The following RGS22 variants were observed in gnomAD, a reference collection of about 807,000 sequenced individuals.
The protein encoded by RGS22 is regulator of G protein signaling 22.
RGS22 carries 148 observed loss-of-function variants against 172.9 expected under a neutral mutation model. The observed-to-expected ratio is 0.86, with a 90% CI of 0.75 to 0.98. The LOEUF is 0.98. Ranked by LOEUF, RGS22 falls within the 50% of genes least tolerant of loss-of-function variation. The probability of loss-of-function intolerance (pLI) is 0.00; values close to 1 mark genes in which losing one functional copy is unlikely to be tolerated. For synonymous variants in RGS22, 458 were observed against 480.2 expected (o/e 0.95, Z 0.60); for missense variants, 1,347 against 1,440.8 (o/e 0.93, Z 1.05).
intron 6 of RGS22, among the ~76,000 whole-genome samples, chr8:100,068,401 A>G (rs909219862): frequency 2.6e-5 from 4 of 152,028 alleles, no homozygotes; most frequent in Admixed American, 1.3e-4. Context: ...AACATTTTGT[A>G]TATATATATA....
chr8:100,011,389 C>T (rs1816369300), intron 14 of RGS22, among the ~76,000 whole-genome samples: 1 of 152,058 alleles, frequency 6.6e-6, no homozygotes, highest in Non-Finnish European at 1.5e-5. Context: ...TTTGCAGTAG[C>T]CTCTTAACTG....
intron 23 of RGS22, among the ~76,000 whole-genome samples, chr8:99,969,912 A>G (rs747977680): frequency 7.2e-5 from 11 of 152,212 alleles, no homozygotes; most frequent in Non-Finnish European, 1.6e-4. Context: ...TCTCCACCCC[A>G]AATCAACAGA....
At chr8:100,051,421 T>C (rs1242523268) in intron 10 of RGS22, among the ~76,000 whole-genome samples, 5 of 118,880 alleles carry the variant, frequency 4.2e-5, no homozygotes, top group South Asian at 2.6e-4. Context: ...TATATATATA[T>C]ACATTTATAT....
chr8:100,061,875 T>C (rs558482414), intron 9 of RGS22, among the ~76,000 whole-genome samples: 23 of 152,288 alleles, frequency 1.5e-4, no homozygotes, highest in Admixed American at 1.1e-3. Context: ...CTATTCACAA[T>C]AGCAAAGATA....
chr8:100,018,937 G>T (rs895887354), intron 14 of RGS22, among the ~76,000 whole-genome samples: 4 of 148,250 alleles, frequency 2.7e-5, no homozygotes, highest in Non-Finnish European at 5.9e-5. Context: ...ACATACCTGA[G>T]AAATGAAAAT....
intron 9 of RGS22, among the ~76,000 whole-genome samples, chr8:100,058,214 T>A (rs1288573647): frequency 4.7e-5 from 7 of 148,698 alleles, no homozygotes; most frequent in African/African-American, 1.7e-4. Context: ...GCCTAAACAG[T>A]CTCAAAAGGG....
chr8:100,098,795 T>C (rs1323486319), intron 2 of RGS22, among the ~76,000 whole-genome samples: 1 of 151,812 alleles, frequency 6.6e-6, no homozygotes, highest in Non-Finnish European at 1.5e-5. Flanking sequence ...CTTGAGAAGG[T>C]GAAGGAAGCT....
intron 10 of RGS22, among the ~76,000 whole-genome samples, chr8:100,048,261 GAC>G (rs1820939011): frequency 6.6e-6 from 1 of 151,994 alleles, no homozygotes; most frequent in Non-Finnish European, 1.5e-5. Flanking sequence ...CAAAAATGAT[GAC>G]ACACATGGAA....
intron 23 of RGS22, among the ~76,000 whole-genome samples, chr8:99,974,483 A>G (rs1811704556): frequency 6.6e-6 from 1 of 152,204 alleles, no homozygotes; most frequent in African/African-American, 2.4e-5. Flanking sequence ...AATGAGAAAA[A>G]AAAGATTAAA....
Position 100,055,847 on chromosome 8 carries a change from C to G in RGS22, c.1515-2871G>C, listed in dbSNP as rs13269950. ...CTCTTTGCTTTATATATTACCCAGT[C>G]TCGGGTATGTCTTTATTAGCAGCAT... On this transcript the variant is annotated intron_variant, in intron 9 of 27. Coordinates refer to ENST00000360863, the MANE Select transcript of RGS22 (RefSeq NM_015668.5). Among the ~76,000 whole-genome samples, 1,139 of 152,290 alleles carry G rather than the reference C, an allele frequency of 7.5e-3. 10 individuals are homozygous for G. Among genetic ancestry groups the G allele is most frequent in the Non-Finnish European group, 0.013 (896 of 68,032 alleles).
chr8:99,980,646 T>C (rs1812452168), intron 22 of RGS22, among the ~76,000 whole-genome samples: 1 of 152,238 alleles, frequency 6.6e-6, no homozygotes, highest in African/African-American at 2.4e-5. Context: ...CTAACGTCCA[T>C]ATTTAAGATA....
At chr8:100,050,962 G>A (rs1296148226) in intron 10 of RGS22, 1 of 152,062 alleles carries the variant, frequency 6.6e-6, no homozygotes, top group Non-Finnish European at 1.5e-5. Flanking sequence ...TAAATCACAT[G>A]GTAATAAATA....
At chr8:100,066,007 T>C (rs914333314) in intron 7 of RGS22, among the ~76,000 whole-genome samples, 160 bp downstream of exon 7, 2 of 152,188 alleles carry the variant, frequency 1.3e-5, no homozygotes. Context: ...CTTTTCACTA[T>C]ACAAAGTTGT....
At position 100,003,953 on chromosome 8, in the gene RGS22, C is replaced by A; in HGVS notation, c.2600G>T (p.Arg867Leu). The change falls in exon 17 of 28, where the codon CGT becomes CTT. Residue 867 changes from arginine to leucine, a missense_variant. Coordinates refer to ENST00000360863, the MANE Select transcript of RGS22 (RefSeq NM_015668.5). ...TGAAGAATGAGTCTCAAGAAACTGA[C>A]GGAAATGTTCAAACTCCAGTTTGTT... ...LNNKLEFEHF[R>L]QFLETHSSSM... 6.2e-7 allele frequency: 1 copy of A among 1,606,916 alleles called. No individual in the cohort carries two copies. The highest frequency in any genetic ancestry group is 8.5e-7 in the Non-Finnish European group (1 of 1,176,152).
Position 100,063,401 on chromosome 8 carries a change from A to G in RGS22, c.1352+15T>C. The G allele has an allele frequency of 6.7e-7, 1 of 1,492,716 alleles. No homozygotes were observed. Among genetic ancestry groups the G allele is most frequent in the Admixed American group, 2.3e-5 (1 of 43,202 alleles). The allele number at this position is 1,492,716 out of a possible 1,614,324, so 92.5% of individuals were successfully genotyped here. ...TTGTTTTTAAAACTATTGAAAAATA[A>G]AAAAATAGAATTACCTTTGATGTCT... On this transcript the variant is annotated intron_variant, in intron 8 of 27. Coordinates refer to ENST00000360863, the MANE Select transcript of RGS22 (RefSeq NM_015668.5).
At chr8:100,036,895 G>C (rs189208719) in intron 14 of RGS22, among the ~76,000 whole-genome samples, 1 of 152,210 alleles carries the variant, frequency 6.6e-6, no homozygotes, top group East Asian at 1.9e-4. Context: ...TAACACGCCT[G>C]GCCCATAGCA....
intron 20 of RGS22, among the ~76,000 whole-genome samples, chr8:99,989,624 G>T (rs1034706671): frequency 2.6e-5 from 4 of 152,082 alleles, no homozygotes; most frequent in African/African-American, 4.8e-5. Flanking sequence ...CAGGTGGATT[G>T]CCTGAGCTCA....
intron 3 of RGS22, chr8:100,093,161 C>CT (rs1381200484): frequency 7.9e-6 from 2 of 253,848 alleles, no homozygotes; most frequent in Non-Finnish European, 1.5e-5. Context: ...AACACAATGT[C>CT]TCAAAAAAAA....
intron 22 of RGS22, among the ~76,000 whole-genome samples, chr8:99,979,284 T>C (rs1003920366): frequency 2.0e-5 from 3 of 152,206 alleles, no homozygotes; most frequent in African/African-American, 7.2e-5. Context: ...AGTTCTTGAA[T>C]ATATATATTT....
Sources: gnomAD v4.1 joint callset for allele counts (sites outside exome capture counted in the v4.1 genomes callset) on GRCh38, gnomAD v4.1.1 for gene constraint, MANE v1.5 for transcripts, NCBI Gene and HGNC (gene_info 2026-07-23, HGNC 2026-07-21) for gene names.